The following UPP2 variants were observed in gnomAD, a reference collection of about 807,000 sequenced individuals.
UPP2 encodes UPase 2.
UPP2 carries 23 observed loss-of-function variants against 26.7 expected under a neutral mutation model. The ratio of observed to expected loss-of-function variants is 0.86; its 90% CI spans 0.62 to 1.22. The LOEUF is 1.22. UPP2 is among the 50% of genes most tolerant of loss of function. The pLI, the probability that UPP2 is intolerant of heterozygous loss-of-function variation, is 0.00. For synonymous variants in UPP2, 127 were observed against 141.3 expected (o/e 0.90, Z 0.72); for missense variants, 387 against 396.7 (o/e 0.98, Z 0.21).
At chr2:158,071,373 A>G (rs1428664157) in intron 3 of UPP2, among the ~76,000 whole-genome samples, 1 of 151,970 alleles carries the variant, frequency 6.6e-6, no homozygotes, top group Admixed American at 6.6e-5. Flanking sequence ...CAACATGGTG[A>G]AACCCTGTCT....
Position 158,123,796 on chromosome 2 carries a change from A to C in UPP2, c.712A>C (p.Lys238Gln). 6.2e-7 allele frequency: 1 copy of C among 1,614,072 alleles called. No homozygotes were observed. Among genetic ancestry groups the C allele is most frequent in the Non-Finnish European group, 8.5e-7 (1 of 1,179,944 alleles). ...GALCSFSREKKLDYLKRAFKA... is the reference protein window; with the variant it reads ...GALCSFSREKQLDYLKRAFKA... ...ACTGTGCTCCTTTTCCAGAGAAAAA[A>C]AGTTAGACTACTTGAAGAGAGCATT... Residue 238 changes from lysine to glutamine, a missense_variant, in exon 6 of 7, where the codon AAG becomes CAG. Lys to Gln is a moderately conservative substitution (Grantham distance 53). Transcript: ENST00000005756.
At chr2:158,081,177 C>T (rs1682718036) in intron 3 of UPP2, among the ~76,000 whole-genome samples, 1 of 151,888 alleles carries the variant, frequency 6.6e-6, no homozygotes, top group Non-Finnish European at 1.5e-5. Context: ...TTTGGAAAAA[C>T]AGGACCATTA....
rs147349579 is a variant in UPP2, at chr2:158,088,780, T to C, written c.148-13260T>C. Among the ~76,000 whole-genome samples the C allele has an allele frequency of 1.8e-3, 267 of 152,342 alleles. 2 individuals carry two copies. Among genetic ancestry groups the C allele is most frequent in the Middle Eastern group, 6.8e-3 (2 of 294 alleles). On this transcript the variant is annotated intron_variant, in intron 3 of 9. Coordinates refer to the UPP2 transcript ENST00000605860. Reference sequence around the variant, plus strand: ...GGATCTAGCCACCCATTGCAACTACTGGACTCTGGGCTGGTACTGGCGAGT... The same window carrying C: ...GGATCTAGCCACCCATTGCAACTACCGGACTCTGGGCTGGTACTGGCGAGT...
rs186040725 is a variant in UPP2 at position 158,123,939 on chromosome 2, T to C, written c.811+44T>C. ...CTTAGGGTCAAATTCTCCTCTTTCA[T>C]GAAGCTACTTTTACACCTTAGGAGA... On this transcript the variant is annotated intron_variant, in intron 6 of 6. Transcript: ENST00000005756. 7.5e-6 allele frequency: 12 copies of C among 1,596,128 alleles called. No homozygotes were observed. In the South Asian group the frequency reaches 9.1e-5, roughly 12 times the overall value.
intron 3 of UPP2, among the ~76,000 whole-genome samples, chr2:158,037,842 T>TTGG (rs1684027644): frequency 1.7e-5 from 1 of 60,338 alleles, no homozygotes; most frequent in African/African-American, 6.4e-5. Context: ...TTGCATTTTT[T>TTGG]GGGGGGTGGG....
upstream of UPP2, among the ~76,000 whole-genome samples, chr2:158,098,452 G>A (rs1054969143): frequency 4.6e-5 from 7 of 152,040 alleles, no homozygotes; most frequent in Non-Finnish European, 7.4e-5. Flanking sequence ...GCTCCCTTAG[G>A]GCCAGATGGG....
intron 3 of UPP2, among the ~76,000 whole-genome samples, chr2:158,017,739 C>A (rs542963271): frequency 1.3e-5 from 2 of 152,240 alleles, no homozygotes; most frequent in South Asian, 2.1e-4. Context: ...TAGGGGGAAC[C>A]AAATTTGACT....
chr2:158,005,542 CGAGCTTGAGCTT>C, intron 2 of UPP2, among the ~76,000 whole-genome samples: 1 of 152,252 alleles, frequency 6.6e-6, no homozygotes, highest in South Asian at 2.1e-4. Flanking sequence ...AAACAAAGCA[CGAGCTTGAGCTT>C]AAGGCTCTTT....
intron 3 of UPP2, among the ~76,000 whole-genome samples, chr2:158,065,255 C>T (rs560164688): frequency 1.3e-5 from 2 of 152,274 alleles, no homozygotes; most frequent in South Asian, 4.1e-4. Flanking sequence ...TTGTCCTGGA[C>T]ACAGAAGTGT....
At chr2:158,049,486 T>A (rs1682109598) in intron 3 of UPP2, among the ~76,000 whole-genome samples, 1 of 152,254 alleles carries the variant, frequency 6.6e-6, no homozygotes. Context: ...TTTTTAAACT[T>A]CTTCATCTGC....
intron 3 of UPP2, among the ~76,000 whole-genome samples, chr2:158,053,369 A>G (rs140336343): frequency 1.9e-3 from 294 of 152,290 alleles, no homozygotes; most frequent in East Asian, 7.7e-3. Context: ...GTACACCCCA[A>G]ATTCTCAAGG....
intron 3 of UPP2, among the ~76,000 whole-genome samples, chr2:158,117,202 C>A (rs189978542): frequency 6.6e-6 from 1 of 151,974 alleles, no homozygotes; most frequent in East Asian, 1.9e-4. Flanking sequence ...GATCCCTTTT[C>A]TGGTGACATT....
At chr2:158,028,727 C>T (rs562058907) in intron 3 of UPP2, among the ~76,000 whole-genome samples, 1 of 152,340 alleles carries the variant, frequency 6.6e-6, no homozygotes, top group East Asian at 1.9e-4. Flanking sequence ...TTTAATTGGA[C>T]TTACAGTTCC....
rs143877084 is a variant in UPP2, at chr2:158,077,473, C to A, written c.148-24567C>A. Reference sequence around the variant, plus strand: ...TAGACCAATGGAACAGAATAAAGAACCCAGAAACTAATCCATACACTTACA... The same window carrying A: ...TAGACCAATGGAACAGAATAAAGAAACCAGAAACTAATCCATACACTTACA... On this transcript the variant is annotated intron_variant, in intron 3 of 9. Transcript: ENST00000605860. Among the ~76,000 whole-genome samples the A allele has an allele frequency of 6.2e-3, 943 of 152,188 alleles. 6 individuals are homozygous for A. The highest frequency in any genetic ancestry group is 0.031 in the Middle Eastern group (9 of 294).
In UPP2 at chr2:158,135,170, T is replaced by C. The variant is rs192481885; in HGVS notation, c.*280T>C. On this transcript the variant is annotated 3_prime_UTR_variant, in exon 7 of 7. Coordinates refer to ENST00000005756, the MANE Select transcript of UPP2 (RefSeq NM_173355.4). ...GACATTTGGAGTTTCATATGCAGCA[T>C]TAATTAAGCTCACATCAAAATAGAC... The C allele has an allele frequency of 6.5e-4, 171 of 261,112 alleles. 1 individual carries two copies. In the Middle Eastern group the frequency reaches 8.3e-3, roughly 13 times the overall value. 16.2% of individuals were successfully genotyped at this position (261,112 alleles called of 1,614,324 possible).
At chr2:158,098,823 C>A (rs556967643), upstream of UPP2, among the ~76,000 whole-genome samples, 4 of 152,226 alleles carry the variant, frequency 2.6e-5, no homozygotes, top group African/African-American at 9.6e-5. Context: ...CAGGAGGGTG[C>A]GTATACTGAG....
At chr2:158,075,028 GA>G in intron 3 of UPP2, among the ~76,000 whole-genome samples, 1 of 151,798 alleles carries the variant, frequency 6.6e-6, no homozygotes, top group Admixed American at 6.6e-5. Context: ...AAGACACAAG[GA>G]AAGTCATTAC....
chr2:158,045,552 C>G (rs987357834), intron 3 of UPP2, among the ~76,000 whole-genome samples: 5 of 152,170 alleles, frequency 3.3e-5, no homozygotes, highest in African/African-American at 1.2e-4. Flanking sequence ...CCATGTTGCC[C>G]TCTGCACCTC....
chr2:158,027,201 T>C (rs766116174), intron 3 of UPP2, among the ~76,000 whole-genome samples: 7 of 152,048 alleles, frequency 4.6e-5, no homozygotes, highest in Non-Finnish European at 1.0e-4. Flanking sequence ...AAGTCCACAG[T>C]CCAAAGTCTC....
Sources: gnomAD v4.1 joint callset for allele counts (sites outside exome capture counted in the v4.1 genomes callset) on GRCh38, gnomAD v4.1.1 for gene constraint, MANE v1.5 for transcripts, NCBI Gene and HGNC (gene_info 2026-07-23, HGNC 2026-07-21) for gene names.